SPATA13: variants seen among roughly 807,000 people sequenced by gnomAD.
SPATA13 encodes spermatogenesis associated 13.
In SPATA13, 50 loss-of-function variants were observed where a neutral mutation model predicts 104.0. The observed-to-expected ratio is 0.48, with a 90% CI of 0.38 to 0.61. The LOEUF is 0.61. Ranked by LOEUF, SPATA13 falls within the 20% of genes least tolerant of loss-of-function variation. SPATA13 has a pLI of 0.00. For synonymous variants in SPATA13, 606 were observed against 667.5 expected, an observed-to-expected ratio of 0.91 and a Z score of 1.42; for missense variants, 1,524 against 1,690.6, an observed-to-expected ratio of 0.90 and a Z score of 1.73.
intron 1 of SPATA13, among the ~76,000 whole-genome samples, chr13:24,182,492 G>GAC (rs1008880789): frequency 2.4e-5 from 2 of 84,514 alleles, no homozygotes. Flanking sequence ...GTGAGAGAGA[G>GAC]ACAGAGAGAG....
intron 3 of SPATA13, among the ~76,000 whole-genome samples, chr13:24,090,238 CAT>C (rs138982592): frequency 0.039 from 5,979 of 152,194 alleles, 372 homozygotes; most frequent in African/African-American, 0.14. Flanking sequence ...GATAAACTCA[CAT>C]GTGTTGACTT....
At chr13:24,165,915 C>T (rs145162337) in intron 1 of SPATA13, among the ~76,000 whole-genome samples, 1 of 152,324 alleles carries the variant, frequency 6.6e-6, no homozygotes, top group African/African-American at 2.4e-5. Context: ...ACAACTTGCA[C>T]ATGTACTTTT....
At chr13:23,987,062 C>A in intron 2 of SPATA13, among the ~76,000 whole-genome samples, 1 of 99,792 alleles carries the variant, frequency 1.0e-5, no homozygotes, top group East Asian at 2.8e-4. Context: ...ATGGGGCAGG[C>A]CTACCCCATA....
intron 1 of SPATA13, among the ~76,000 whole-genome samples, chr13:24,207,799 G>A (rs1870788890): frequency 6.6e-6 from 1 of 152,214 alleles, no homozygotes; most frequent in Non-Finnish European, 1.5e-5. Flanking sequence ...GAGCCATCAG[G>A]GAGGCAGTCG....
chr13:24,100,112 A>G (rs1593328846), intron 3 of SPATA13, among the ~76,000 whole-genome samples: 1 of 148,488 alleles, frequency 6.7e-6, no homozygotes, highest in African/African-American at 2.5e-5. Flanking sequence ...TTTCTCTATC[A>G]ATGATTTATT....
chr13:24,209,794 G>A (rs571208902), intron 1 of SPATA13, among the ~76,000 whole-genome samples: 2 of 152,276 alleles, frequency 1.3e-5, no homozygotes, highest in Admixed American at 1.3e-4. Context: ...TATTGGGATT[G>A]CTGTATCATA....
chr13:24,009,579 A>T (rs1876377709), intron 2 of SPATA13, among the ~76,000 whole-genome samples: 2 of 152,220 alleles, frequency 1.3e-5, no homozygotes. Flanking sequence ...GTTCCAGGTC[A>T]TAGGTAGATT....
intron 1 of SPATA13, among the ~76,000 whole-genome samples, chr13:24,172,497 A>G (rs376991381): frequency 3.9e-5 from 6 of 152,282 alleles, no homozygotes; most frequent in Admixed American, 2.6e-4. Flanking sequence ...TTCATTTTAC[A>G]GTTAAGTCCA....
intron 3 of SPATA13, 40 bp downstream of exon 3, chr13:24,249,882 C>A: frequency 6.5e-7 from 1 of 1,539,242 alleles, no homozygotes; most frequent in Non-Finnish European, 8.7e-7. Flanking sequence ...AGCAGAGGCC[C>A]TCCAGCTTCC....
At chr13:24,102,007 AT>A (rs1406104949) in intron 3 of SPATA13, among the ~76,000 whole-genome samples, 1 of 152,150 alleles carries the variant, frequency 6.6e-6, no homozygotes, top group Non-Finnish European at 1.5e-5. Flanking sequence ...CAGAAGTAGG[AT>A]TGTTGGATCA....
At chr13:24,228,288 T>C (rs1872068350) in intron 2 of SPATA13, among the ~76,000 whole-genome samples, 1 of 152,074 alleles carries the variant, frequency 6.6e-6, no homozygotes, top group South Asian at 2.1e-4. Flanking sequence ...TCATGTTTTC[T>C]ATTTTTTTAG....
rs543150610 is a variant in SPATA13, at chr13:24,005,256, C to T, written c.-146-12411C>T. 4.0e-4 allele frequency among the ~76,000 whole-genome samples: 61 copies of T among 152,248 alleles called. 1 individual carries two copies. Among genetic ancestry groups the T allele is most frequent in the Non-Finnish European group, 2.9e-5 (2 of 68,006 alleles). ...CTCACATTTGAAAACTGTTTTGATT[C>T]TTAAATTTTTACCGTGTTTGCTAAA... On this transcript the variant is annotated intron_variant, in intron 2 of 14. Transcript: ENST00000424834.
chr13:24,030,476 T>C (rs1195701408), intron 3 of SPATA13, among the ~76,000 whole-genome samples: 1 of 152,188 alleles, frequency 6.6e-6, no homozygotes, highest in African/African-American at 2.4e-5. Context: ...AGCCTTGATG[T>C]GTCTTGTCTT....
At chr13:24,090,256 C>T (rs1253160015) in intron 3 of SPATA13, among the ~76,000 whole-genome samples, 1 of 152,174 alleles carries the variant, frequency 6.6e-6, no homozygotes. Context: ...GACTTCTCTG[C>T]TCTGCTGTGG....
chr13:24,271,580 T>G (rs1185018107), intron 4 of SPATA13, among the ~76,000 whole-genome samples: 5 of 152,352 alleles, frequency 3.3e-5, no homozygotes, highest in African/African-American at 9.6e-5. Context: ...GAAAGAAACT[T>G]TGTACTCTCA....
In SPATA13 at chr13:24,302,625, C is replaced by T. The variant is rs766100648; in HGVS notation, c.3686C>T (p.Pro1229Leu). 28 of 1,611,618 alleles carry T rather than the reference C, an allele frequency of 1.7e-5. No individual in the cohort carries two copies. Among genetic ancestry groups the T allele is most frequent in the Middle Eastern group, 1.7e-4 (1 of 6,054 alleles). The change falls in exon 13 of 13, where the codon CCG becomes CTG. Residue 1229 changes from proline to leucine, a missense_variant. Pro to Leu is a moderately conservative substitution (Grantham distance 98). This residue lies in a region of SPATA13 where 435 missense variants were observed against 554.8 expected (regional missense o/e 0.78). Transcript: ENST00000382108. ...KGYNRCPVAP[P>L]HQGLHPIHQR... ...TACAACAGGTGCCCTGTGGCCCCAC[C>T]GCACCAGGGCCTGCACCCCATCCAC...
At chr13:24,013,810 T>G (rs1258253052) in intron 2 of SPATA13, among the ~76,000 whole-genome samples, 2 of 151,876 alleles carry the variant, frequency 1.3e-5, no homozygotes, top group Non-Finnish European at 2.9e-5. Context: ...CCTCGAAGGC[T>G]TGGGTGCTGC....
chr13:24,169,604 G>A (rs1001977168), intron 1 of SPATA13, among the ~76,000 whole-genome samples: 1 of 152,200 alleles, frequency 6.6e-6, no homozygotes, highest in African/African-American at 2.4e-5. Context: ...CCGAGGTCAT[G>A]TGGCTCCGGG....
intron 3 of SPATA13, among the ~76,000 whole-genome samples, chr13:24,149,635 C>G (rs574218404): frequency 1.1e-4 from 16 of 151,978 alleles, no homozygotes; most frequent in African/African-American, 3.9e-4. Flanking sequence ...GTGCAGCGTC[C>G]TGAATTTGGA....
Sources: allele counts gnomAD v4.1 joint callset (sites outside exome capture counted in the v4.1 genomes callset), GRCh38; gene constraint gnomAD v4.1.1; regional missense constraint gnomAD v4.1.1; transcripts MANE v1.5; gene names NCBI Gene and HGNC (gene_info 2026-07-23, HGNC 2026-07-21).